The following KHDRBS2 variants were observed in gnomAD, a reference collection of about 807,000 sequenced individuals.
KHDRBS2 encodes the protein KH RNA binding domain containing, signal transduction associated 2.
A neutral mutation model predicts 44.3 loss-of-function variants in KHDRBS2; 26 were observed. That is an observed-to-expected ratio of 0.59 (90% CI 0.43 to 0.81). The LOEUF is 0.81. Ranked by LOEUF, KHDRBS2 falls within the 40% of genes least tolerant of loss-of-function variation. The pLI, the probability that KHDRBS2 is intolerant of heterozygous loss-of-function variation, is 0.00. For synonymous variants in KHDRBS2, 194 were observed against 151.1 expected (o/e 1.28, Z -2.08); for missense variants, 476 against 433.1 (o/e 1.10, Z -0.88).
chr6:61,758,028 C>G (rs927536280), intron 6 of KHDRBS2, among the ~76,000 whole-genome samples: 2 of 152,106 alleles, frequency 1.3e-5, no homozygotes, highest in Non-Finnish European at 2.9e-5. Flanking sequence ...CCTTGTGCAT[C>G]TCTCTCCTGT....
intron 2 of KHDRBS2, among the ~76,000 whole-genome samples, chr6:62,084,922 T>C (rs2127358339): frequency 6.6e-6 from 1 of 152,286 alleles, no homozygotes; most frequent in East Asian, 1.9e-4. Flanking sequence ...GAATTCTGAA[T>C]TCTTATGGCA....
At chr6:61,803,683 A>C (rs1220987143) in intron 6 of KHDRBS2, among the ~76,000 whole-genome samples, 1 of 152,188 alleles carries the variant, frequency 6.6e-6, no homozygotes, top group East Asian at 1.9e-4. Flanking sequence ...TTTATGAAGA[A>C]AAAGGTTTAA....
intron 2 of KHDRBS2, among the ~76,000 whole-genome samples, chr6:62,139,423 G>A (rs576436837): frequency 1.3e-4 from 19 of 151,870 alleles, no homozygotes; most frequent in African/African-American, 4.3e-4. Context: ...CGTGGTGGCG[G>A]GCACCTGTAG....
chr6:61,982,636 A>C (rs1191974424), intron 3 of KHDRBS2, among the ~76,000 whole-genome samples: 5 of 149,274 alleles, frequency 3.3e-5, no homozygotes, highest in Non-Finnish European at 7.4e-5. Context: ...GTGCCACTGC[A>C]CTCCAGCCTG....
the KHDRBS2 span, among the ~76,000 whole-genome samples, chr6:61,610,907 T>A: frequency 6.6e-6 from 1 of 152,186 alleles, no homozygotes; most frequent in African/African-American, 2.4e-5. Flanking sequence ...TAATACCTAT[T>A]AACATGCTAA....
intron 2 of KHDRBS2, among the ~76,000 whole-genome samples, chr6:62,140,401 T>C (rs1340997503): frequency 6.6e-6 from 1 of 152,140 alleles, no homozygotes; most frequent in Non-Finnish European, 1.5e-5. Flanking sequence ...AGAGGATGCA[T>C]TTGTCGGGGC....
chr6:61,800,384 T>C (rs1231789257), intron 6 of KHDRBS2, among the ~76,000 whole-genome samples: 1 of 152,150 alleles, frequency 6.6e-6, no homozygotes, highest in Non-Finnish European at 1.5e-5. Context: ...GAGGTGATCA[T>C]AAATGCTCCT....
At chr6:62,157,222 C>T (rs938594860) in intron 2 of KHDRBS2, among the ~76,000 whole-genome samples, 2 of 151,472 alleles carry the variant, frequency 1.3e-5, no homozygotes, top group African/African-American at 4.8e-5. Flanking sequence ...ACTCGGGAGG[C>T]TGTGGCAGGA....
In KHDRBS2 at chr6:62,271,672, C is replaced by G. The variant is rs148483657; in HGVS notation, c.91+14186G>C. On this transcript the variant is annotated intron_variant, in intron 1 of 8. Transcript: ENST00000281156. ...TGACTGTGAAATTGATGATCCTGAT[C>G]TTGTATAGTCCTAGGCTAATGTGTG... Among the ~76,000 whole-genome samples the G allele has an allele frequency of 5.6e-3, 851 of 151,888 alleles. 5 individuals are homozygous for G. The highest frequency in any genetic ancestry group is 8.2e-3 in the Non-Finnish European group (558 of 67,954).
At chr6:61,786,829 A>G (rs1051821845) in intron 6 of KHDRBS2, among the ~76,000 whole-genome samples, 1 of 151,862 alleles carries the variant, frequency 6.6e-6, no homozygotes, top group Non-Finnish European at 1.5e-5. Flanking sequence ...ACTCACACAC[A>G]TGTACATGAG....
chr6:62,062,103 T>C (rs1320676762), intron 2 of KHDRBS2, among the ~76,000 whole-genome samples: 1 of 149,314 alleles, frequency 6.7e-6, no homozygotes, highest in Admixed American at 6.7e-5. Context: ...ATGCACCCAA[T>C]ACAGGAGCAC....
At chr6:61,885,708 G>A (rs10455584) in intron 6 of KHDRBS2, among the ~76,000 whole-genome samples, 37,376 of 152,108 alleles carry the variant, frequency 0.25, 5,633 homozygotes, top group Middle Eastern at 0.33. Flanking sequence ...AGGGCAGTGT[G>A]ACAGGTGAGG....
At position 62,246,102 on chromosome 6, in the gene KHDRBS2, TTATATATATA is replaced by T. The variant is rs150717074; in HGVS notation, c.91+39746_91+39755del. 3.3e-4 allele frequency among the ~76,000 whole-genome samples: 41 copies of T among 124,352 alleles called. 1 individual carries two copies. Among genetic ancestry groups the T allele is most frequent in the East Asian group, 2.1e-3 (9 of 4,238 alleles). The allele number at this position is 124,352 out of a possible 152,430, so 81.6% of individuals were successfully genotyped here. A position where few individuals can be genotyped will look rare whatever the true frequency, so the allele number is the denominator to read the frequency against. On this transcript the variant is annotated intron_variant, in intron 1 of 8. Coordinates refer to ENST00000281156, the MANE Select transcript of KHDRBS2 (RefSeq NM_152688.4). ...CATAGAAACATTAATTCAATCAATT[TTATATATATA>T]TATATATATATATATATATATATAA...
the KHDRBS2 span, among the ~76,000 whole-genome samples, chr6:61,543,360 G>A: frequency 2.0e-5 from 3 of 151,838 alleles, no homozygotes; most frequent in Non-Finnish European, 4.4e-5. Flanking sequence ...ATATGTAGAG[G>A]TGCTCATCAA....
chr6:61,826,820 GT>G (rs1356260315), intron 6 of KHDRBS2, among the ~76,000 whole-genome samples: 5 of 152,114 alleles, frequency 3.3e-5, no homozygotes, highest in Non-Finnish European at 7.3e-5. Flanking sequence ...AATTTGGGAA[GT>G]TTTTTGAAAG....
At chr6:61,601,749 T>G in the KHDRBS2 span, among the ~76,000 whole-genome samples, 1 of 151,874 alleles carries the variant, frequency 6.6e-6, no homozygotes, top group South Asian at 2.1e-4. Context: ...AGGCTGTTCC[T>G]AGCCAGGCTG....
chr6:62,134,417 CA>C (rs1253599557), intron 2 of KHDRBS2, among the ~76,000 whole-genome samples: 3 of 152,118 alleles, frequency 2.0e-5, no homozygotes, highest in African/African-American at 7.2e-5. Flanking sequence ...CCTGGGTATC[CA>C]GGCAGAAGCT....
intron 1 of KHDRBS2, among the ~76,000 whole-genome samples, chr6:62,185,604 T>C (rs1193460256): frequency 6.6e-6 from 1 of 151,986 alleles, no homozygotes; most frequent in Non-Finnish European, 1.5e-5. Flanking sequence ...ATTATTGAAG[T>C]AGAAATAGAG....
intron 7 of KHDRBS2, among the ~76,000 whole-genome samples, chr6:61,711,045 GCAATA>G (rs559790532): frequency 2.9e-4 from 44 of 150,428 alleles, no homozygotes; most frequent in Non-Finnish European, 5.5e-4. Flanking sequence ...CAAAGCCTGA[GCAATA>G]CCTTATTTGT....
Sources: allele counts gnomAD v4.1 joint callset (sites outside exome capture counted in the v4.1 genomes callset), GRCh38; gene constraint gnomAD v4.1.1; transcripts MANE v1.5; gene names NCBI Gene and HGNC (gene_info 2026-07-23, HGNC 2026-07-21).